TTC21B: variants seen among roughly 807,000 people sequenced by gnomAD.
TTC21B encodes tetratricopeptide repeat domain 21B.
Under a neutral mutation model 175.1 loss-of-function variants are expected in TTC21B, and 127 were observed. The observed-to-expected ratio is 0.73, with a 90% confidence interval of 0.63 to 0.84. The LOEUF (loss-of-function observed/expected upper bound fraction) is 0.84. TTC21B is among the 40% of genes least tolerant of loss of function. The probability of loss-of-function intolerance (pLI) is 0.00; values close to 1 mark genes in which losing one functional copy is unlikely to be tolerated. For synonymous variants in TTC21B, 524 were observed against 524.5 expected (o/e 1.00, Z 0.01); for missense variants, 1,561 against 1,558.3 (o/e 1.00, Z -0.03).
chr2:165,931,036 C>T (rs868161471), intron 8 of TTC21B, among the ~76,000 whole-genome samples: 2 of 151,984 alleles, frequency 1.3e-5, no homozygotes, highest in African/African-American at 2.4e-5. Flanking sequence ...GTGTCTAGCA[C>T]TACGGTAAGC....
At position 165,929,118 on chromosome 2, in the gene TTC21B, G is replaced by A; in HGVS notation, c.1386+17C>T. ...CAAGTAAACGCATCCTTGAAAGTAAGTCCCATAATTACTTACCTGCATTGG... is the reference window on the plus strand; with the variant it reads ...CAAGTAAACGCATCCTTGAAAGTAAATCCCATAATTACTTACCTGCATTGG... On this transcript the variant is annotated intron_variant, in intron 11 of 28. Coordinates refer to ENST00000243344, the MANE Select transcript of TTC21B (RefSeq NM_024753.5). 1.2e-6 allele frequency: 2 copies of A among 1,608,548 alleles called. No individual in the cohort carries two copies. Among genetic ancestry groups the A allele is most frequent in the Non-Finnish European group, 1.7e-6 (2 of 1,175,528 alleles).
At position 165,924,477 on chromosome 2, in the gene TTC21B, G is replaced by A. The variant is rs1686546406; in HGVS notation, c.1516+72C>T. On this transcript the variant is annotated intron_variant, in intron 12 of 28. Coordinates refer to ENST00000243344, the MANE Select transcript of TTC21B (RefSeq NM_024753.5). ...TGACTATTCTCTATATATACACAGT[G>A]CTTAATTTATTTACGCTTGTTTTTA... The A allele has an allele frequency of 5.5e-6, 8 of 1,449,140 alleles. No homozygotes were observed. The East Asian group carries it at 1.6e-4, about 30-fold the overall frequency. 89.8% of individuals were successfully genotyped at this position (1,449,140 alleles called of 1,614,324 possible).
At chr2:165,909,568 T>A (rs1417894043) in intron 18 of TTC21B, among the ~76,000 whole-genome samples, 2 of 152,136 alleles carry the variant, frequency 1.3e-5, no homozygotes, top group Non-Finnish European at 2.9e-5. Context: ...CCTAACCTTA[T>A]CACTCATCAA....
intron 4 of TTC21B, among the ~76,000 whole-genome samples, chr2:165,944,170 C>T (rs1687468224): frequency 6.6e-6 from 1 of 152,100 alleles, no homozygotes; most frequent in Non-Finnish European, 1.5e-5. Context: ...TGATTCCCAA[C>T]CTATATTTCT....
chr2:165,911,210 T>C, intron 18 of TTC21B, 117 bp downstream of exon 18: 1 of 1,292,886 alleles, frequency 7.7e-7, no homozygotes, highest in Non-Finnish European at 1.1e-6. Context: ...AATACGCATG[T>C]ATTTATATAA....
intron 5 of TTC21B, 116 bp downstream of exon 5, chr2:165,943,103 C>G: frequency 1.0e-6 from 1 of 999,552 alleles, no homozygotes; most frequent in East Asian, 2.6e-5. Flanking sequence ...CAGCTGTGAG[C>G]TGACAACAGT....
At chr2:165,915,853 A>T (rs1686151426) in intron 14 of TTC21B, among the ~76,000 whole-genome samples, 1 of 152,236 alleles carries the variant, frequency 6.6e-6, no homozygotes, top group South Asian at 2.1e-4. Context: ...GTGTACCTTG[A>T]TGAATCTAAA....
chr2:165,890,716 T>C, intron 23 of TTC21B, 76 bp from the exon 24 acceptor site: 1 of 1,547,428 alleles, frequency 6.5e-7, no homozygotes, highest in East Asian at 2.3e-5. Context: ...ATCTGTCTGG[T>C]AAATAAAACT....
chr2:165,878,795 C>A (rs1684752000), intron 27 of TTC21B, among the ~76,000 whole-genome samples: 1 of 151,562 alleles, frequency 6.6e-6, no homozygotes, highest in Non-Finnish European at 1.5e-5. Flanking sequence ...AATTCTCCTG[C>A]CTCAGCCTCC....
intron 13 of TTC21B, among the ~76,000 whole-genome samples, chr2:165,918,443 C>T (rs1386403886): frequency 5.3e-5 from 8 of 152,084 alleles, no homozygotes; most frequent in South Asian, 4.2e-4. Flanking sequence ...TACAGGCACC[C>T]GCCACCACGC....
At chr2:165,938,320 T>C (rs1031087400) in intron 6 of TTC21B, among the ~76,000 whole-genome samples, 4 of 152,028 alleles carry the variant, frequency 2.6e-5, no homozygotes, top group African/African-American at 9.7e-5. Flanking sequence ...TCTTTATAGG[T>C]ATTCTAGCTA....
At position 165,876,154 on chromosome 2, in the gene TTC21B, T is replaced by G; in HGVS notation, c.3873+11A>C. 1.3e-6 allele frequency: 2 copies of G among 1,552,638 alleles called. No homozygotes were observed. Among genetic ancestry groups the G allele is most frequent in the South Asian group, 2.2e-5 (2 of 89,750 alleles). ...TGAAAAATTTTAAGAAATCTAAATT[T>G]AAGTGTTTACCTGGTGACATATGTC... On this transcript the variant is annotated intron_variant, in intron 28 of 28. Coordinates refer to ENST00000243344, the MANE Select transcript of TTC21B (RefSeq NM_024753.5).
At chr2:165,930,466 G>A (rs1686847594) in intron 8 of TTC21B, 102 bp from the exon 9 acceptor site, 2 of 795,784 alleles carry the variant, frequency 2.5e-6, no homozygotes, top group East Asian at 2.9e-5. Flanking sequence ...TACTTCAAAG[G>A]AGTGATGAAA....
chr2:165,947,523 C>T (rs1687625404), intron 3 of TTC21B: 1 of 151,778 alleles, frequency 6.6e-6, no homozygotes, highest in Non-Finnish European at 1.5e-5. Context: ...GTTCATTAAA[C>T]AGCCATGATA....
chr2:165,907,575 T>C, intron 19 of TTC21B, 103 bp downstream of exon 19: 1 of 740,882 alleles, frequency 1.3e-6, no homozygotes, highest in Non-Finnish European at 2.4e-6. Context: ...ATATTTTCTG[T>C]AGCTGTTTGG....
At chr2:165,948,997 G>C in intron 3 of TTC21B, 1 of 229,066 alleles carries the variant, frequency 4.4e-6, no homozygotes, top group South Asian at 6.2e-5. Context: ...CTCTCAATAA[G>C]CTTAATATAC....
At chr2:165,915,816 G>T (rs992092763) in intron 14 of TTC21B, among the ~76,000 whole-genome samples, 1 of 151,996 alleles carries the variant, frequency 6.6e-6, no homozygotes, top group Non-Finnish European at 1.5e-5. Context: ...TTACACTTTG[G>T]GTGAATATTC....
chr2:165,874,949 AC>A, intron 28 of TTC21B, 117 bp from the exon 29 acceptor site: 1 of 823,294 alleles, frequency 1.2e-6, no homozygotes, highest in South Asian at 1.5e-5. Context: ...TAATACTACA[AC>A]AGCTATAACA....
intron 14 of TTC21B, among the ~76,000 whole-genome samples, 184 bp from the exon 15 acceptor site, chr2:165,915,623 G>A (rs1465222953): frequency 6.6e-6 from 1 of 152,132 alleles, no homozygotes; most frequent in Non-Finnish European, 1.5e-5. Flanking sequence ...AAAATCAGAT[G>A]AGCCTGTAAA....
Sources: allele counts gnomAD v4.1 joint callset (sites outside exome capture counted in the v4.1 genomes callset), GRCh38; gene constraint gnomAD v4.1.1; transcripts MANE v1.5; gene names NCBI Gene and HGNC (gene_info 2026-07-23, HGNC 2026-07-21).